CX3CL1: variants seen among roughly 807,000 people sequenced by gnomAD.
CX3CL1 encodes C-X3-C motif chemokine ligand 1.
CX3CL1 carries 1 observed loss-of-function variant against 14.1 expected under a neutral mutation model. The ratio of observed to expected loss-of-function variants is 0.07; its 90% CI spans 0.03 to 0.34. CX3CL1 has a LOEUF of 0.34. Among genes scored for constraint, CX3CL1 ranks in the 10% least tolerant of loss-of-function variants. The probability of loss-of-function intolerance (pLI) is 0.99; values close to 1 mark genes in which losing one functional copy is unlikely to be tolerated. For missense variants in CX3CL1, 505 were observed against 536.4 expected (o/e 0.94, Z 0.58); for synonymous variants, 255 against 229.6 (o/e 1.11, Z -1.00).
intron 1 of CX3CL1, among the ~76,000 whole-genome samples, chr16:57,372,862 C>T (rs1013696679): frequency 2.0e-5 from 3 of 152,172 alleles, no homozygotes; most frequent in East Asian, 1.9e-4. Context: ...CCTGGCCCAG[C>T]GAGCAAAGTG....
intron 1 of CX3CL1, among the ~76,000 whole-genome samples, chr16:57,376,196 G>A (rs1407320128): frequency 6.6e-6 from 1 of 152,244 alleles, no homozygotes; most frequent in African/African-American, 2.4e-5. Flanking sequence ...TGAGGCCAGA[G>A]GCATTCCTTG....
intron 1 of CX3CL1, chr16:57,377,220 G>A (rs62037083): frequency 0.037 from 5,663 of 152,324 alleles, 118 homozygotes; most frequent in African/African-American, 0.042. Context: ...CAGGGGCACC[G>A]TATTTTCTGG....
chr16:57,383,044 CT>C lies in CX3CL1; in HGVS notation c.*13del, dbSNP rs1375859638. The C allele has an allele frequency of 2.1e-6, 3 of 1,438,036 alleles. No homozygotes were observed. The highest frequency in any genetic ancestry group is 1.7e-5 in the South Asian group (1 of 58,622). 89.1% of individuals were successfully genotyped at this position (1,438,036 alleles called of 1,614,324 possible). ...TGGTGCCCGTGTGAACTCCTCTGGC[CT>C]GTGTCTAGTTGTTTGATTCAGACAG... On this transcript the variant is annotated 3_prime_UTR_variant, in exon 3 of 3. Transcript: ENST00000006053.
intron 1 of CX3CL1, chr16:57,379,258 C>T (rs919406307): frequency 2.9e-5 from 7 of 245,266 alleles, no homozygotes; most frequent in Admixed American, 1.7e-4. Context: ...TCTGGGAGGC[C>T]GAGGTTGCGG....
rs747130836 is a variant in CX3CL1, at chr16:57,382,657, T to C, written c.819T>C (p.Asp273=). 23 of 1,613,036 alleles carry C rather than the reference T, an allele frequency of 1.4e-5. No individual in the cohort carries two copies. Among genetic ancestry groups the C allele is most frequent in the Non-Finnish European group, 1.9e-5 (23 of 1,179,526 alleles). ...EEMGPVPAHT[D]AFQDWGPGSM... ...TGGGTCCCGTGCCAGCGCACACGGA[T>C]GCCTTCCAGGACTGGGGGCCTGGCA... Residue 273 remains aspartate (D), a synonymous_variant, in exon 3 of 3, where the codon GAT becomes GAC. Transcript: ENST00000006053. This position sits in a 1 kb window ranked among gnomAD's most constrained non-coding sequence, Gnocchi z 6.9.
intron 1 of CX3CL1, chr16:57,379,318 C>T: frequency 1.1e-5 from 4 of 378,820 alleles, no homozygotes; most frequent in Non-Finnish European, 1.9e-5. Context: ...AAGAGCAAGA[C>T]TCCAACTCAA....
At chr16:57,378,752 C>A (rs1262841523) in intron 1 of CX3CL1, 3 of 152,106 alleles carry the variant, frequency 2.0e-5, no homozygotes, top group African/African-American at 7.2e-5. Flanking sequence ...GTGTGAGCCA[C>A]CGCACCCGGC....
intron 1 of CX3CL1, among the ~76,000 whole-genome samples, chr16:57,374,837 T>A (rs1902224291): frequency 6.6e-6 from 1 of 151,680 alleles, no homozygotes; most frequent in African/African-American, 2.4e-5. Context: ...AAAGGCACTG[T>A]GATAAAAAAA....
intron 1 of CX3CL1, among the ~76,000 whole-genome samples, chr16:57,374,266 G>A (rs777019913): frequency 1.4e-4 from 22 of 152,100 alleles, no homozygotes; most frequent in Non-Finnish European, 2.6e-4. Context: ...TGGGGGGTTC[G>A]TAGCTGCTGC....
chr16:57,380,192 C>T (rs1902300410), intron 2 of CX3CL1, among the ~76,000 whole-genome samples: 1 of 152,198 alleles, frequency 6.6e-6, no homozygotes. Context: ...GCTGGGTGGC[C>T]CTGCTTCCAT....
In CX3CL1 at chr16:57,373,089, C is replaced by A. The variant is rs942320204; in HGVS notation, c.70+451C>A. ...GGCCACAGTTGGGACTTTCTCCTGT[C>A]CTGTTTTCAAAGCCCCCAGGATTAG... On this transcript the variant is annotated intron_variant, in intron 1 of 2. Transcript: ENST00000006053. Among the ~76,000 whole-genome samples, 7 of 152,240 alleles carry A rather than the reference C, an allele frequency of 4.6e-5. No homozygotes were observed. In the South Asian group the frequency reaches 1.0e-3, roughly 23 times the overall value.
chr16:57,380,497 G>A (rs946949829), intron 2 of CX3CL1, among the ~76,000 whole-genome samples: 1 of 152,134 alleles, frequency 6.6e-6, no homozygotes, highest in African/African-American at 2.4e-5. Flanking sequence ...TGCGGAGGTT[G>A]CAGTGAGCCA....
chr16:57,378,085 C>T (rs1345470977), intron 1 of CX3CL1: 1 of 152,282 alleles, frequency 6.6e-6, no homozygotes, highest in Admixed American at 6.6e-5. Flanking sequence ...CAACCCTCCT[C>T]CTTACTCTTC....
chr16:57,382,150 G>A lies in CX3CL1; in HGVS notation c.312G>A (p.Glu104=), dbSNP rs1215852297. 13 of 1,613,866 alleles carry A rather than the reference G, an allele frequency of 8.1e-6. No individual in the cohort carries two copies. The highest frequency in any genetic ancestry group is 1.1e-5 in the Non-Finnish European group (13 of 1,180,020). Residue 104 remains glutamate, a synonymous_variant, in exon 3 of 3, where the codon GAG becomes GAA. Transcript: ENST00000006053. This position sits in a 1 kb window ranked among gnomAD's most constrained non-coding sequence, Gnocchi z 6.9. ...TAACTCGAAATGGCGGCACCTTCGA[G>A]AAGCAGATCGGCGAGGTGAAGCCCA... The part of the protein sequence containing the change: ...AALTRNGGTF[E]KQIGEVKPRT...
rs1902379284 is a variant in CX3CL1 at position 57,384,174 on chromosome 16, C to CAA, written c.*1142_*1143insAA. On this transcript the variant is annotated 3_prime_UTR_variant, in exon 3 of 3. Transcript: ENST00000006053. ...GCCAGGCCACAAGACCCTTGTGGTC[C>CAA]CACCCCACACACGCCAGATTCTTTC... is the stretch of plus-strand genomic sequence containing the variant. 1 of 152,384 alleles carries CAA rather than the reference C, an allele frequency of 6.6e-6. No individual in the cohort carries two copies. The allele number at this position is 152,384 out of a possible 1,614,324, so 9.4% of individuals were successfully genotyped here. A position where few individuals can be genotyped will look rare whatever the true frequency, so the allele number is the denominator to read the frequency against.
chr16:57,374,159 C>A (rs1198747279), intron 1 of CX3CL1, among the ~76,000 whole-genome samples: 10 of 152,140 alleles, frequency 6.6e-5, no homozygotes. Flanking sequence ...CCTTGGAAGT[C>A]CTCTCCCACG....
intron 1 of CX3CL1, among the ~76,000 whole-genome samples, chr16:57,373,833 T>C (rs1462396368): frequency 3.3e-5 from 5 of 152,166 alleles, no homozygotes; most frequent in African/African-American, 1.2e-4. Flanking sequence ...TCCCAGTTGC[T>C]GCATCTTTAA....
At chr16:57,381,282 G>A (rs1457146792) in intron 2 of CX3CL1, among the ~76,000 whole-genome samples, 1 of 152,216 alleles carries the variant, frequency 6.6e-6, no homozygotes, top group Non-Finnish European at 1.5e-5. Flanking sequence ...GCCTCTGTCA[G>A]CTCTGAGCTG....
chr16:57,381,015 T>G (rs1832449486), intron 2 of CX3CL1, among the ~76,000 whole-genome samples: 1 of 152,086 alleles, frequency 6.6e-6, no homozygotes, highest in Non-Finnish European at 1.5e-5. Context: ...CCCCAAGTAT[T>G]TTTTGTTTTC....
Sources: allele counts gnomAD v4.1 joint callset (sites outside exome capture counted in the v4.1 genomes callset), GRCh38; gene constraint gnomAD v4.1.1; non-coding constraint Gnocchi (gnomAD v3.1); transcripts MANE v1.5; gene names NCBI Gene and HGNC (gene_info 2026-07-23, HGNC 2026-07-21).